ATG2B: variants seen among roughly 807,000 people sequenced by gnomAD.
The protein encoded by ATG2B is autophagy related 2B.
A neutral mutation model predicts 241.3 loss-of-function variants in ATG2B; 121 were observed. That is an observed-to-expected ratio of 0.50 (90% CI 0.43 to 0.58). ATG2B has a LOEUF of 0.58. Ranked by LOEUF, ATG2B falls within the 20% of genes least tolerant of loss-of-function variation. The pLI, the probability that ATG2B is intolerant of heterozygous loss-of-function variation, is 0.00. For synonymous variants in ATG2B, 858 were observed against 876.6 expected (o/e 0.98, Z 0.37); for missense variants, 2,306 against 2,491.6 (o/e 0.93, Z 1.59).
chr14:96,290,361 C>A lies in ATG2B; in HGVS notation c.5856+75G>T. 1 of 1,516,030 alleles carries A rather than the reference C, an allele frequency of 6.6e-7. No individual in the cohort carries two copies. Among genetic ancestry groups the A allele is most frequent in the South Asian group, 1.3e-5 (1 of 78,804 alleles). 93.9% of individuals were successfully genotyped at this position (1,516,030 alleles called of 1,614,324 possible). ...AACATTTTGTATATCTTCACAGTAT[C>A]GTTTTAAAAACAAAAGGACCCAACC... On this transcript the variant is annotated intron_variant, in intron 40 of 41. Transcript: ENST00000359933. This position sits in a 1 kb window ranked among gnomAD's most constrained non-coding sequence, Gnocchi z 4.4.
At chr14:96,361,564 T>C (rs1250232322) in intron 1 of ATG2B, among the ~76,000 whole-genome samples, 1 of 152,134 alleles carries the variant, frequency 6.6e-6, no homozygotes, top group Non-Finnish European at 1.5e-5. Context: ...AAAATATCCT[T>C]CAGAATCCCT....
rs1460180671 is a variant in ATG2B, at chr14:96,280,850, C to G, written c.*4905G>C. 6.6e-6 allele frequency: 1 copy of G among 152,124 alleles called. No individual in the cohort carries two copies. Among genetic ancestry groups the G allele is most frequent in the Admixed American group, 6.5e-5 (1 of 15,268 alleles). The allele number at this position is 152,124 out of a possible 1,614,324, so 9.4% of individuals were successfully genotyped here. On this transcript the variant is annotated 3_prime_UTR_variant, in exon 42 of 42. Transcript: ENST00000359933. Reference sequence around the variant, plus strand: ...TGAGCTAAGATTGCTCCATTGTACTCCAGCCTGGGCAACAAGAGCAAAGCT... The same window carrying G: ...TGAGCTAAGATTGCTCCATTGTACTGCAGCCTGGGCAACAAGAGCAAAGCT...
At chr14:96,331,745 AC>A in intron 10 of ATG2B, 108 bp from the exon 11 acceptor site, 5 of 881,006 alleles carry the variant, frequency 5.7e-6, no homozygotes, top group African/African-American at 1.7e-5. Context: ...TGATCATACA[AC>A]AGTTTGAATG....
intron 23 of ATG2B, 126 bp from the exon 24 acceptor site, chr14:96,313,561 G>A (rs2139861263): frequency 7.9e-6 from 4 of 505,642 alleles, no homozygotes; most frequent in Admixed American, 3.8e-5. Flanking sequence ...AATCATAACG[G>A]TAAAAGGAAA....
rs1887360346 is a variant in ATG2B, at chr14:96,317,959, A to G, written c.2880-104T>C. On this transcript the variant is annotated intron_variant, in intron 18 of 41. Coordinates refer to ENST00000359933, the MANE Select transcript of ATG2B (RefSeq NM_018036.7). ...AAGATCGTATGAACAATAATTTTTT[A>G]AACGGCAAAATGGAAATTAGATCCT... is the stretch of plus-strand genomic sequence containing the variant. The G allele has an allele frequency of 9.7e-6, 8 of 823,264 alleles. No individual in the cohort carries two copies. The South Asian group carries it at 2.2e-4, about 23-fold the overall frequency. 51.0% of individuals were successfully genotyped at this position (823,264 alleles called of 1,614,324 possible).
chr14:96,322,021 C>T (rs1566724842), intron 18 of ATG2B, 91 bp downstream of exon 18: 1 of 931,038 alleles, frequency 1.1e-6, no homozygotes, highest in Non-Finnish European at 1.6e-6. Flanking sequence ...ATATAATATT[C>T]AGGCAAGGAA....
chr14:96,342,663 A>T (rs1888070815), intron 5 of ATG2B, among the ~76,000 whole-genome samples: 2 of 150,262 alleles, frequency 1.3e-5, no homozygotes, highest in South Asian at 4.3e-4. Flanking sequence ...TGGAGGTTGC[A>T]GTGAGTCGAG....
At chr14:96,343,748 CTA>C (rs749750783) in intron 4 of ATG2B, among the ~76,000 whole-genome samples, 7 of 152,172 alleles carry the variant, frequency 4.6e-5, no homozygotes, top group Non-Finnish European at 8.8e-5. Context: ...TCTTGAATTC[CTA>C]TATGTGACTA....
At chr14:96,358,364 G>A (rs1888534339) in intron 1 of ATG2B, among the ~76,000 whole-genome samples, 1 of 152,124 alleles carries the variant, frequency 6.6e-6, no homozygotes, top group Admixed American at 6.6e-5. Flanking sequence ...TTGAACCCAT[G>A]AGTTTGAGGC....
At position 96,312,139 on chromosome 14, in the gene ATG2B, G is replaced by A. The variant is rs765477472; in HGVS notation, c.3863C>T (p.Ala1288Val). The change falls in exon 26 of 42, where the codon GCT becomes GTT. Residue 1288 changes from alanine (A) to valine (V), a missense_variant. Coordinates refer to ENST00000359933, the MANE Select transcript of ATG2B (RefSeq NM_018036.7). ...STLRIILDEA[A>V]LHLSDKCNTV... ...ATTGCATTTGTCAGATAGATGTAAA[G>A]CAGCTTCATCCAAGATTATTCTGAG... is the stretch of plus-strand genomic sequence containing the variant. 6.2e-7 allele frequency: 1 copy of A among 1,600,246 alleles called. No individual in the cohort carries two copies. The highest frequency in any genetic ancestry group is 8.5e-7 in the Non-Finnish European group (1 of 1,176,316).
At position 96,311,216 on chromosome 14, in the gene ATG2B, A is replaced by T. The variant is rs1315772388; in HGVS notation, c.4062T>A (p.Ala1354=). The change falls in exon 28 of 42, where the codon GCT becomes GCA. Residue 1354 remains alanine, a synonymous_variant. Coordinates refer to ENST00000359933, the MANE Select transcript of ATG2B (RefSeq NM_018036.7). ...VHIRTCSDSC[A]ALMNLIQYIA... ...TGTACTGAATGAGATTCATTAACGC[A>T]GCACAAGAGTCTGAGCACGTTCTGA... 1 of 1,613,962 alleles carries T rather than the reference A, an allele frequency of 6.2e-7. No individual in the cohort carries two copies. Among genetic ancestry groups the T allele is most frequent in the African/African-American group, 1.3e-5 (1 of 74,930 alleles).
At position 96,290,085 on chromosome 14, in the gene ATG2B, C is replaced by G. The variant is rs1886443907; in HGVS notation, c.5857-280G>C. The G allele has an allele frequency of 1.7e-6, 2 of 1,207,194 alleles. No homozygotes were observed. Among genetic ancestry groups the G allele is most frequent in the Non-Finnish European group, 2.1e-6 (2 of 947,576 alleles). The allele number at this position is 1,207,194 out of a possible 1,614,324, so 74.8% of individuals were successfully genotyped here. On this transcript the variant is annotated intron_variant, in intron 40 of 41. Transcript: ENST00000359933. The surrounding 1 kb of genome is among the most constrained non-coding windows in gnomAD (Gnocchi z 4.4). The stretch of plus-strand genomic sequence containing the variant: ...AACATTTCCACATCAGTCTATGGAG[C>G]TTAATACTTACTAGAATGATCTTTA...
intron 41 of ATG2B, among the ~76,000 whole-genome samples, chr14:96,287,607 A>G (rs1886373581): frequency 6.6e-6 from 1 of 152,228 alleles, no homozygotes; most frequent in South Asian, 2.1e-4. Flanking sequence ...TTAGAATTAA[A>G]TAATTCATCT....
chr14:96,318,694 C>G (rs1887380481), intron 18 of ATG2B, among the ~76,000 whole-genome samples: 1 of 152,150 alleles, frequency 6.6e-6, no homozygotes, highest in African/African-American at 2.4e-5. Context: ...GTCACCACAT[C>G]CTACTTTTTC....
At chr14:96,308,282 A>ATATATATATATATTTTTTTTT (rs1566720002) in intron 29 of ATG2B, among the ~76,000 whole-genome samples, 1 of 37,036 alleles carries the variant, frequency 2.7e-5, no homozygotes. Flanking sequence ...ATATATATAT[A>ATATATATATATATTTTTTTTT]TTTTTTTTTT....
chr14:96,336,808 AATCTTTTGACT>A (rs1004704599), intron 6 of ATG2B, among the ~76,000 whole-genome samples: 4 of 152,170 alleles, frequency 2.6e-5, no homozygotes, highest in African/African-American at 9.6e-5. Flanking sequence ...GAGTTTACAT[AATCTTTTGACT>A]ACCTGTTCTG....
intron 27 of ATG2B, 104 bp from the exon 28 acceptor site, chr14:96,311,391 C>T (rs749525582): frequency 2.8e-5 from 35 of 1,242,250 alleles, no homozygotes; most frequent in Admixed American, 1.5e-4. Flanking sequence ...TAATCTGTCT[C>T]GCTACATAAA....
chr14:96,295,256 C>A, intron 35 of ATG2B, 89 bp from the exon 36 acceptor site: 8 of 1,232,526 alleles, frequency 6.5e-6, no homozygotes, highest in Non-Finnish European at 9.1e-6. Context: ...TGTTTTTCTA[C>A]ATTTTATTTA....
At position 96,305,233 on chromosome 14, in the gene ATG2B, G is replaced by A. The variant is rs192899116; in HGVS notation, c.4733+356C>T. Among the ~76,000 whole-genome samples, 274 of 152,128 alleles carry A rather than the reference G, an allele frequency of 1.8e-3. 4 individuals are homozygous for A. Among genetic ancestry groups the A allele is most frequent in the South Asian group, 2.1e-3 (10 of 4,820 alleles). ...TGAATGCTGGGGACAGGGCATGCCC[G>A]ACCCCACCTCCTGACACACTTCCTG... On this transcript the variant is annotated intron_variant, in intron 31 of 41. Transcript: ENST00000359933.
Sources: gnomAD v4.1 joint callset for allele counts (sites outside exome capture counted in the v4.1 genomes callset) on GRCh38, gnomAD v4.1.1 for gene constraint, Gnocchi (gnomAD v3.1) non-coding constraint, MANE v1.5 for transcripts, NCBI Gene and HGNC (gene_info 2026-07-23, HGNC 2026-07-21) for gene names.